Variants in TBC1D2 observed in about 807,000 individuals in gnomAD.
TBC1D2 encodes TBC1 domain family member 2.
In TBC1D2, 58 loss-of-function variants were observed where a neutral mutation model predicts 91.1. The observed-to-expected ratio is 0.64, with a 90% CI of 0.52 to 0.79. TBC1D2 has a LOEUF of 0.79. Ranked by LOEUF, TBC1D2 falls within the 30% of genes least tolerant of loss-of-function variation. The pLI is 0.00. For synonymous variants in TBC1D2, 482 were observed against 511.5 expected (o/e 0.94, Z 0.78); for missense variants, 1,080 against 1,208.3 (o/e 0.89, Z 1.57).
chr9:98,223,730 AG>A (rs755386602), intron 5 of TBC1D2, among the ~76,000 whole-genome samples: 2 of 152,198 alleles, frequency 1.3e-5, no homozygotes, highest in African/African-American at 2.4e-5. Flanking sequence ...ACACCAGCCC[AG>A]GAGGCTCTCC....
Position 98,238,006 on chromosome 9 carries a change from C to T in TBC1D2, c.648-4457G>A, listed in dbSNP as rs535770891. 1.7e-4 allele frequency among the ~76,000 whole-genome samples: 25 copies of T among 148,424 alleles called. No individual in the cohort carries two copies. In the South Asian group the frequency reaches 4.8e-3, roughly 29 times the overall value. Reference sequence around the variant, plus strand: ...GCAGTCTCTGCCTCCCGGGTTCAAGCGATTCTCCTGCCTCAGCCTCCCAAG... The same window carrying T: ...GCAGTCTCTGCCTCCCGGGTTCAAGTGATTCTCCTGCCTCAGCCTCCCAAG... On this transcript the variant is annotated intron_variant, in intron 3 of 12. Transcript: ENST00000465784.
chr9:98,247,963 T>C (rs1338824993), intron 2 of TBC1D2, among the ~76,000 whole-genome samples: 5 of 152,178 alleles, frequency 3.3e-5, no homozygotes, highest in African/African-American at 1.2e-4. Flanking sequence ...TGTTTTCTTG[T>C]AAGTGCCACC....
intron 5 of TBC1D2, among the ~76,000 whole-genome samples, chr9:98,221,544 C>T (rs7866350): frequency 6.6e-6 from 1 of 151,982 alleles, no homozygotes; most frequent in South Asian, 2.1e-4. Flanking sequence ...ACTAGATACA[C>T]GCTCCTCTGG....
At chr9:98,210,569 A>G in intron 8 of TBC1D2, 87 bp downstream of exon 8, 1 of 1,321,098 alleles carries the variant, frequency 7.6e-7, no homozygotes, top group Non-Finnish European at 1.0e-6. Context: ...TAGGACTTGT[A>G]CATGGTTGGC....
intron 4 of TBC1D2, among the ~76,000 whole-genome samples, chr9:98,231,610 T>A (rs1038955433): frequency 2.6e-5 from 4 of 152,182 alleles, no homozygotes; most frequent in Non-Finnish European, 5.9e-5. Context: ...ATAGGTTAAG[T>A]ATATTAAATG....
At chr9:98,211,222 T>G (rs1021773286) in intron 7 of TBC1D2, among the ~76,000 whole-genome samples, 1 of 152,264 alleles carries the variant, frequency 6.6e-6, no homozygotes, top group African/African-American at 2.4e-5. Flanking sequence ...ATACAGAGTC[T>G]GCCTGAGGAT....
In TBC1D2 at chr9:98,199,366, G is replaced by GGAAGGCTGT; in HGVS notation, c.*14_*15insACAGCCTTC. 6.2e-7 allele frequency: 1 copy of GGAAGGCTGT among 1,612,218 alleles called. No homozygotes were observed. The highest frequency in any genetic ancestry group is 8.5e-7 in the Non-Finnish European group (1 of 1,179,778). ...CCAAGGGTGAGGAAGGCTGTGGGGAGGGGAGGTGGCCAAGTCAGGCTTCCC... is the reference window on the plus strand; with the variant it reads ...CCAAGGGTGAGGAAGGCTGTGGGGAGGAAGGCTGTGGGAGGTGGCCAAGTCAGGCTTCCC... On this transcript the variant is annotated 3_prime_UTR_variant, in exon 13 of 13. Transcript: ENST00000465784.
chr9:98,202,737 T>G (rs1451711407), intron 10 of TBC1D2, among the ~76,000 whole-genome samples: 1 of 152,206 alleles, frequency 6.6e-6, no homozygotes, highest in Admixed American at 6.5e-5. Context: ...GTTTTGAATG[T>G]GGGAAATTTT....
intron 2 of TBC1D2, among the ~76,000 whole-genome samples, chr9:98,250,364 C>T (rs919923455): frequency 6.6e-6 from 1 of 152,052 alleles, no homozygotes; most frequent in African/African-American, 2.4e-5. Flanking sequence ...CTCACTCAGG[C>T]TGCAGAGAAG....
Position 98,228,957 on chromosome 9 carries a change from G to C in TBC1D2, c.973C>G (p.Gln325Glu). The change falls in exon 5 of 13, where the codon CAG becomes GAG. Residue 325 changes from glutamine (Q) to glutamate (E), a missense_variant. Coordinates refer to ENST00000465784, the MANE Select transcript of TBC1D2 (RefSeq NM_001267571.2). The surrounding 1 kb of genome is among the most constrained non-coding windows in gnomAD (Gnocchi z 4.0). ...TCCCTGGGACCAGACCTCACCTTCT[G>C]AGACTTTAACTCCTTGGTGAGCATC... ...VLMLTKELKS[Q>E]KELVKILHKA... 1 of 1,613,708 alleles carries C rather than the reference G, an allele frequency of 6.2e-7. No individual in the cohort carries two copies. The highest frequency in any genetic ancestry group is 8.5e-7 in the Non-Finnish European group (1 of 1,179,644).
At chr9:98,205,166 G>A (rs1367664837) in intron 9 of TBC1D2, among the ~76,000 whole-genome samples, 5 of 152,198 alleles carry the variant, frequency 3.3e-5, no homozygotes, top group Non-Finnish European at 7.4e-5. Context: ...GGCTCCCAAA[G>A]TCTAGCCCAG....
chr9:98,233,695 G>A (rs1030716994), intron 3 of TBC1D2, 146 bp from the exon 4 acceptor site: 19 of 1,216,200 alleles, frequency 1.6e-5, no homozygotes, highest in Non-Finnish European at 2.0e-5. Context: ...CACCCTACAT[G>A]ATGCCTCCCC....
rs1219952179 is a variant in TBC1D2 at position 98,255,498 on chromosome 9, G to T, written c.44C>A (p.Ala15Asp). 2 of 1,557,654 alleles carry T rather than the reference G, an allele frequency of 1.3e-6. No homozygotes were observed. Among genetic ancestry groups the T allele is most frequent in the African/African-American group, 1.4e-5 (1 of 73,716 alleles). Residue 15 changes from alanine (A) to aspartate (D), a missense_variant, in exon 1 of 13, where the codon GCC (alanine) becomes GAC (aspartate). Transcript: ENST00000465784. ...GENAPESSSS[A>D]PGSEESARDP... ...CCTGGCAGACTCTTCGGACCCAGGG[G>T]CAGAGGAGCTGGACTCCGGGGCGTT...
chr9:98,209,927 C>G (rs1201370180), intron 8 of TBC1D2, among the ~76,000 whole-genome samples: 1 of 150,714 alleles, frequency 6.6e-6, no homozygotes, highest in African/African-American at 2.4e-5. Context: ...CTTCTGGGCT[C>G]AAGTGATCCT....
intron 12 of TBC1D2, 97 bp downstream of exon 12, chr9:98,200,156 T>C: frequency 6.5e-7 from 1 of 1,530,952 alleles, no homozygotes; most frequent in Non-Finnish European, 8.9e-7. Context: ...TCAGCGTCAC[T>C]TACCAATCTC....
Position 98,201,600 on chromosome 9 carries a change from C to A in TBC1D2, c.2336G>T (p.Gly779Val). 4 of 1,614,080 alleles carry A rather than the reference C, an allele frequency of 2.5e-6. No individual in the cohort carries two copies. The highest frequency in any genetic ancestry group is 3.4e-6 in the Non-Finnish European group (4 of 1,180,014). ...GAGGGAGAGATCCACGTGGTGCTGC[C>A]CCAGATGGGCCATCAGCCTGGGCAG... ...EKLPRLMAHL[G>V]QHHVDLSLVT... The change falls in exon 11 of 13, where the codon GGG becomes GTG. Residue 779 changes from glycine (G) to valine (V), a missense_variant. Physicochemically the swap from Gly to Val is moderately radical, Grantham distance 109. Coordinates refer to ENST00000465784, the MANE Select transcript of TBC1D2 (RefSeq NM_001267571.2).
intron 5 of TBC1D2, among the ~76,000 whole-genome samples, chr9:98,225,729 G>A (rs1173488754): frequency 6.6e-6 from 1 of 152,216 alleles, no homozygotes; most frequent in Non-Finnish European, 1.5e-5. Context: ...GCACAGTCCT[G>A]GGGCCGCGCT....
chr9:98,227,859 T>C (rs1272169832), intron 5 of TBC1D2, among the ~76,000 whole-genome samples: 4 of 151,060 alleles, frequency 2.6e-5, no homozygotes, highest in African/African-American at 7.3e-5. Context: ...CTGCTGACAG[T>C]GGTCACTGCT....
chr9:98,241,543 G>A (rs1295007712), intron 3 of TBC1D2, among the ~76,000 whole-genome samples: 4 of 152,204 alleles, frequency 2.6e-5, no homozygotes, highest in African/African-American at 9.7e-5. Context: ...GCCAAGACAA[G>A]TTACAGGAGG....
Sources: gnomAD v4.1 joint callset for allele counts (sites outside exome capture counted in the v4.1 genomes callset) on GRCh38, gnomAD v4.1.1 for gene constraint, Gnocchi (gnomAD v3.1) non-coding constraint, MANE v1.5 for transcripts, NCBI Gene and HGNC (gene_info 2026-07-23, HGNC 2026-07-21) for gene names.